The following AGAP1 variants were observed in gnomAD, a reference collection of about 807,000 sequenced individuals.
The protein encoded by AGAP1 is arf-GAP with GTPase, ANK repeat and PH domain-containing protein 1.
AGAP1 carries 29 observed loss-of-function variants against 105.3 expected under a neutral mutation model. That is an observed-to-expected ratio of 0.28 (90% CI 0.21 to 0.38). AGAP1 has a LOEUF of 0.38. Ranked by LOEUF, AGAP1 falls within the 10% of genes least tolerant of loss-of-function variation. The pLI is 1.00. For synonymous variants in AGAP1, 509 were observed against 485.9 expected (o/e 1.05, Z -0.63); for missense variants, 998 against 1,165.1 (o/e 0.86, Z 2.09).
At chr2:236,111,015 T>C (rs1296486351) in intron 16 of AGAP1, among the ~76,000 whole-genome samples, 1 of 152,116 alleles carries the variant, frequency 6.6e-6, no homozygotes. Flanking sequence ...CGGGCCTCTT[T>C]TATAAGAGCA....
intron 13 of AGAP1, among the ~76,000 whole-genome samples, chr2:235,984,422 C>G (rs186023868): frequency 4.9e-4 from 74 of 150,080 alleles, no homozygotes; most frequent in African/African-American, 1.8e-3. Flanking sequence ...AGTGGAATTG[C>G]TGGGTCATAT....
chr2:236,071,069 C>T (rs142113892), intron 16 of AGAP1, among the ~76,000 whole-genome samples: 31 of 152,318 alleles, frequency 2.0e-4, no homozygotes, highest in East Asian at 1.9e-3. Flanking sequence ...TTTCTGAGAC[C>T]GTTAAGGAAG....
chr2:235,571,204 A>G (rs965850014), intron 1 of AGAP1, among the ~76,000 whole-genome samples: 6 of 152,342 alleles, frequency 3.9e-5, no homozygotes, highest in Admixed American at 2.0e-4. Context: ...CCCATGATCC[A>G]GTCACCTCCC....
rs1949740149 is a variant in AGAP1 at position 235,691,663 on chromosome 2, G to T, written c.164-17516G>T. On this transcript the variant is annotated intron_variant, in intron 1 of 17. Transcript: ENST00000304032. The surrounding 1 kb of genome is among the most constrained non-coding windows in gnomAD (Gnocchi z 4.4). The stretch of plus-strand genomic sequence containing the variant: ...CTCAGTACAAATCATGTTGCTTTGG[G>T]CTTATGCACATCTGCAGAAGGCTGC... Among the ~76,000 whole-genome samples the T allele has an allele frequency of 6.6e-6, 1 of 152,208 alleles. No homozygotes were observed. Among genetic ancestry groups the T allele is most frequent in the African/African-American group, 2.4e-5 (1 of 41,450 alleles).
At chr2:235,833,617 A>T (rs1362197716) in intron 9 of AGAP1, among the ~76,000 whole-genome samples, 4 of 151,872 alleles carry the variant, frequency 2.6e-5, no homozygotes, top group Admixed American at 1.3e-4. Context: ...AGAAATCTTG[A>T]CTTTTCGTTA....
intron 1 of AGAP1, among the ~76,000 whole-genome samples, chr2:235,604,398 T>G (rs1945844903): frequency 6.6e-6 from 1 of 151,376 alleles, no homozygotes; most frequent in Non-Finnish European, 1.5e-5. Context: ...AGGAAGATCC[T>G]TTGAGCCCGG....
At position 235,750,658 on chromosome 2, in the gene AGAP1, A is replaced by G. The variant is rs189435652; in HGVS notation, c.673+170A>G. Among the ~76,000 whole-genome samples the G allele has an allele frequency of 1.6e-3, 240 of 152,290 alleles. 2 individuals are homozygous for G. The South Asian group carries it at 0.031, about 20-fold the overall frequency. On this transcript the variant is annotated intron_variant, in intron 6 of 17. Coordinates refer to ENST00000304032, the MANE Select transcript of AGAP1 (RefSeq NM_001037131.3). The surrounding 1 kb of genome is among the most constrained non-coding windows in gnomAD (Gnocchi z 5.3). ...CAGAGGCAATTCTCAGGTATGTTTC[A>G]TATAAACAGTGCTGTGTTCAGAAGA...
intron 1 of AGAP1, among the ~76,000 whole-genome samples, chr2:235,602,185 G>T (rs1184681198): frequency 1.3e-5 from 2 of 152,186 alleles, no homozygotes; most frequent in Non-Finnish European, 2.9e-5. Flanking sequence ...ATAACTTGTG[G>T]TGCATGACAA....
chr2:235,647,843 A>C (rs1947442364), intron 1 of AGAP1, among the ~76,000 whole-genome samples: 2 of 152,168 alleles, frequency 1.3e-5, no homozygotes, highest in Admixed American at 1.3e-4. Context: ...GTGGCAGCCT[A>C]GGGATCCCCT....
chr2:235,927,673 G>T lies in AGAP1; in HGVS notation c.1325-3092G>T, dbSNP rs780150595. Among the ~76,000 whole-genome samples, 8 of 152,158 alleles carry T rather than the reference G, an allele frequency of 5.3e-5. No homozygotes were observed. The highest frequency in any genetic ancestry group is 5.9e-5 in the Non-Finnish European group (4 of 68,030). ...TGATACTTACTTCTGGAGCTTTATT[G>T]CAAGTAGTCAGTGATGGATGCACTG... On this transcript the variant is annotated intron_variant, in intron 11 of 17. Coordinates refer to ENST00000304032, the MANE Select transcript of AGAP1 (RefSeq NM_001037131.3). This position sits in a 1 kb window ranked among gnomAD's most constrained non-coding sequence, Gnocchi z 4.4.
At chr2:235,682,552 C>A (rs778755275) in intron 1 of AGAP1, among the ~76,000 whole-genome samples, 10 of 151,832 alleles carry the variant, frequency 6.6e-5, no homozygotes, top group Non-Finnish European at 1.2e-4. Context: ...GCCATGTTGG[C>A]CAGGCTGGTC....
chr2:235,740,018 C>A lies in AGAP1; in HGVS notation c.311-945C>A, dbSNP rs538375134. ...GGAAGACAAGAGCTGGGAACCGATGCGTGCCTTCCCTCTTTAAAACAAGAG... is the reference window on the plus strand; with the variant it reads ...GGAAGACAAGAGCTGGGAACCGATGAGTGCCTTCCCTCTTTAAAACAAGAG... On this transcript the variant is annotated intron_variant, in intron 3 of 17. Transcript: ENST00000304032. This position sits in a 1 kb window ranked among gnomAD's most constrained non-coding sequence, Gnocchi z 5.7. Among the ~76,000 whole-genome samples the A allele has an allele frequency of 6.6e-6, 1 of 152,144 alleles. No homozygotes were observed. The highest frequency in any genetic ancestry group is 2.4e-5 in the African/African-American group (1 of 41,438).
chr2:235,947,669 G>A (rs761973292), intron 12 of AGAP1, among the ~76,000 whole-genome samples: 1 of 152,168 alleles, frequency 6.6e-6, no homozygotes, highest in Non-Finnish European at 1.5e-5. Context: ...TAAAGGGAGG[G>A]ACTGTCTTGT....
At position 235,622,992 on chromosome 2, in the gene AGAP1, T is replaced by G. The variant is rs1428567488; in HGVS notation, c.164-86187T>G. On this transcript the variant is annotated intron_variant, in intron 1 of 17. Coordinates refer to ENST00000304032, the MANE Select transcript of AGAP1 (RefSeq NM_001037131.3). This position sits in a 1 kb window ranked among gnomAD's most constrained non-coding sequence, Gnocchi z 5.0. The stretch of plus-strand genomic sequence containing the variant: ...GGGGAACAAAGTCAACAGCAATGAC[T>G]GTCGCTGAATCTTAAGTTTATTCTG... Among the ~76,000 whole-genome samples, 1 of 147,106 alleles carries G rather than the reference T, an allele frequency of 6.8e-6. No homozygotes were observed. The highest frequency in any genetic ancestry group is 2.7e-5 in the African/African-American group (1 of 36,748).
chr2:235,658,716 C>T (rs1041001496), intron 1 of AGAP1, among the ~76,000 whole-genome samples: 5 of 152,122 alleles, frequency 3.3e-5, no homozygotes, highest in Non-Finnish European at 7.4e-5. Flanking sequence ...TGGAAGGAAA[C>T]GGGGACTTCC....
intron 9 of AGAP1, among the ~76,000 whole-genome samples, chr2:235,878,867 A>G (rs1200282924): frequency 6.6e-6 from 1 of 152,212 alleles, no homozygotes; most frequent in East Asian, 1.9e-4. Flanking sequence ...CTCTCCCTGC[A>G]AGGGACTCAG....
At chr2:235,846,089 G>A (rs1470444578) in intron 9 of AGAP1, among the ~76,000 whole-genome samples, 1 of 152,114 alleles carries the variant, frequency 6.6e-6, no homozygotes, top group Non-Finnish European at 1.5e-5. Context: ...ATATTTTACT[G>A]AGATTGTATA....
At chr2:236,116,770 C>G (rs2059781932) in intron 16 of AGAP1, among the ~76,000 whole-genome samples, 1 of 150,348 alleles carries the variant, frequency 6.7e-6, no homozygotes, top group Non-Finnish European at 1.5e-5. Flanking sequence ...CCCCCCAAGT[C>G]CCCAAAGTCC....
chr2:235,800,054 T>C (rs1243604947), intron 8 of AGAP1, among the ~76,000 whole-genome samples: 3 of 151,700 alleles, frequency 2.0e-5, no homozygotes, highest in Admixed American at 2.0e-4. Flanking sequence ...GCTATCTGGG[T>C]TCAGGTTTAT....
Sources: allele counts gnomAD v4.1 joint callset (sites outside exome capture counted in the v4.1 genomes callset), GRCh38; gene constraint gnomAD v4.1.1; non-coding constraint Gnocchi (gnomAD v3.1); transcripts MANE v1.5; gene names NCBI Gene and HGNC (gene_info 2026-07-23, HGNC 2026-07-21).